Variants in PTPRA observed in about 807,000 individuals in gnomAD.
PTPRA encodes receptor-type tyrosine-protein phosphatase alpha.
Under a neutral mutation model 104.8 loss-of-function variants are expected in PTPRA, and 25 were observed. That is an observed-to-expected ratio of 0.24 (90% CI 0.17 to 0.33). The LOEUF is 0.33. Among genes scored for constraint, PTPRA ranks in the 10% least tolerant of loss-of-function variants. The pLI, the probability that PTPRA is intolerant of heterozygous loss-of-function variation, is 1.00. For missense variants in PTPRA, 765 were observed against 1,015.3 expected, an observed-to-expected ratio of 0.75 and a Z score of 3.35; for synonymous variants, 323 against 368.9, an observed-to-expected ratio of 0.88 and a Z score of 1.43.
chr20:2,889,866 TC>T (rs953333968), intron 1 of PTPRA, among the ~76,000 whole-genome samples: 1 of 152,058 alleles, frequency 6.6e-6, no homozygotes, highest in Non-Finnish European at 1.5e-5. Flanking sequence ...GAATCCATGT[TC>T]AGAGTTTGTT....
At chr20:3,029,486 C>G (rs1364771028) in intron 20 of PTPRA, among the ~76,000 whole-genome samples, 2 of 147,636 alleles carry the variant, frequency 1.4e-5, no homozygotes, top group Non-Finnish European at 3.0e-5. Flanking sequence ...GCTATTCTTC[C>G]TAGACTTGTA....
At chr20:2,906,980 A>G (rs932455389) in intron 1 of PTPRA, among the ~76,000 whole-genome samples, 3 of 152,200 alleles carry the variant, frequency 2.0e-5, no homozygotes, top group African/African-American at 7.2e-5. Context: ...TTAAGGTCCT[A>G]AAAATTATTC....
intron 11 of PTPRA, among the ~76,000 whole-genome samples, chr20:3,012,981 T>C (rs2064248073): frequency 1.3e-5 from 2 of 152,144 alleles, no homozygotes; most frequent in African/African-American, 4.8e-5. Flanking sequence ...TACAATTCAG[T>C]GTTTTTTTAA....
At chr20:2,911,482 A>G (rs897131686) in intron 1 of PTPRA, among the ~76,000 whole-genome samples, 7 of 152,168 alleles carry the variant, frequency 4.6e-5, no homozygotes, top group Admixed American at 2.0e-4. Context: ...CTGCTAGTCT[A>G]TGTTGATGAT....
At chr20:2,910,426 A>AATATATT (rs2059658882) in intron 1 of PTPRA, among the ~76,000 whole-genome samples, 1 of 132,842 alleles carries the variant, frequency 7.5e-6, no homozygotes. Flanking sequence ...TATAATATAT[A>AATATATT]AAATGTATAT....
At chr20:2,913,160 G>A (rs1334386374) in intron 1 of PTPRA, among the ~76,000 whole-genome samples, 1 of 152,134 alleles carries the variant, frequency 6.6e-6, no homozygotes, top group Non-Finnish European at 1.5e-5. Flanking sequence ...CAGATCATTT[G>A]AGGTCAGGAG....
intron 13 of PTPRA, among the ~76,000 whole-genome samples, chr20:3,019,428 C>T (rs557433824): frequency 2.0e-5 from 3 of 151,568 alleles, no homozygotes; most frequent in South Asian, 4.2e-4. Context: ...GGTCTCCTCA[C>T]TTCTCAGACG....
chr20:3,026,232 C>T lies in PTPRA; in HGVS notation c.1615-455C>T, dbSNP rs141448917. On this transcript the variant is annotated intron_variant, in intron 17 of 23. Transcript: ENST00000399903. ...GATTACAGGCATGAGCCACCACGCC[C>T]GGCTTGAGATTCTGCATTTCTAATA... Among the ~76,000 whole-genome samples the T allele has an allele frequency of 6.2e-3, 947 of 152,156 alleles. 4 individuals carry two copies. Among genetic ancestry groups the T allele is most frequent in the Non-Finnish European group, 8.6e-3 (584 of 68,000 alleles).
intron 14 of PTPRA, 99 bp downstream of exon 14, chr20:3,021,527 G>A: frequency 6.8e-7 from 1 of 1,473,378 alleles, no homozygotes. Context: ...GAGTTGCTGA[G>A]TATGCAGTAT....
intron 2 of PTPRA, among the ~76,000 whole-genome samples, chr20:2,928,112 T>C (rs2060372689): frequency 6.6e-6 from 1 of 152,102 alleles, no homozygotes; most frequent in African/African-American, 2.4e-5. Context: ...CTTTCTGGTA[T>C]CCGTTTTTTG....
chr20:2,910,538 A>T, intron 1 of PTPRA, among the ~76,000 whole-genome samples: 1 of 91,030 alleles, frequency 1.1e-5, no homozygotes, highest in Non-Finnish European at 2.0e-5. Flanking sequence ...GCTGGAATGG[A>T]GTGGCTGGGA....
At chr20:2,962,946 A>G (rs1025004203) in intron 3 of PTPRA, among the ~76,000 whole-genome samples, 4 of 152,116 alleles carry the variant, frequency 2.6e-5, no homozygotes, top group Non-Finnish European at 5.9e-5. Flanking sequence ...TCACTACCAC[A>G]TTGAACACTT....
At chr20:2,918,824 T>C (rs545237908) in intron 1 of PTPRA, among the ~76,000 whole-genome samples, 89 of 152,306 alleles carry the variant, frequency 5.8e-4, no homozygotes, top group Non-Finnish European at 1.1e-3. Context: ...TTTGGAGTCA[T>C]GTACACCTGG....
At chr20:2,973,633 T>C (rs2062288504) in intron 5 of PTPRA, among the ~76,000 whole-genome samples, 1 of 152,178 alleles carries the variant, frequency 6.6e-6, no homozygotes, top group Non-Finnish European at 1.5e-5. Flanking sequence ...TGGGTTCTAG[T>C]TCCAACCACT....
At chr20:2,932,527 G>T (rs2060544895) in intron 2 of PTPRA, among the ~76,000 whole-genome samples, 1 of 152,152 alleles carries the variant, frequency 6.6e-6, no homozygotes, top group African/African-American at 2.4e-5. Context: ...GATCTCAAAT[G>T]GGATCAAGAA....
chr20:2,868,316 T>G, the PTPRA span, among the ~76,000 whole-genome samples: 5 of 147,574 alleles, frequency 3.4e-5, no homozygotes, highest in East Asian at 9.8e-4. Context: ...ACCTCTTTTT[T>G]TTTTTTTTTT....
intron 1 of PTPRA, among the ~76,000 whole-genome samples, chr20:2,882,048 TC>T (rs1323625883): frequency 2.6e-5 from 4 of 152,116 alleles, no homozygotes; most frequent in Admixed American, 6.6e-5. Context: ...GGCAGATTCT[TC>T]CTGCCCCACC....
intron 10 of PTPRA, among the ~76,000 whole-genome samples, chr20:3,006,432 A>T (rs1310355460): frequency 6.6e-6 from 1 of 151,936 alleles, no homozygotes; most frequent in African/African-American, 2.4e-5. Flanking sequence ...TCCCACTTTG[A>T]CCTCCCAAAG....
chr20:2,962,725 C>T (rs1568671429), intron 3 of PTPRA, among the ~76,000 whole-genome samples: 1 of 152,194 alleles, frequency 6.6e-6, no homozygotes, highest in Non-Finnish European at 1.5e-5. Context: ...TTAATGATCA[C>T]AGCCTAGGAA....
Sources: allele counts gnomAD v4.1 joint callset (sites outside exome capture counted in the v4.1 genomes callset), GRCh38; gene constraint gnomAD v4.1.1; transcripts MANE v1.5; gene names NCBI Gene and HGNC (gene_info 2026-07-23, HGNC 2026-07-21).